ZNF322: variants seen among roughly 807,000 people sequenced by gnomAD.
ZNF322 encodes the protein zinc finger protein 322, also known as HLA complex group 12.
ZNF322 carries 1 observed loss-of-function variant against 18.3 expected under a neutral mutation model. That is an observed-to-expected ratio of 0.05 (90% CI 0.02 to 0.26). ZNF322 has a LOEUF of 0.26. Ranked by LOEUF, ZNF322 falls within the 10% of genes least tolerant of loss-of-function variation. ZNF322 has a pLI of 1.00. For missense variants in ZNF322, 36 were observed against 403.6 expected, an observed-to-expected ratio of 0.09 and a Z score of 7.80; for synonymous variants, 17 against 130.7, an observed-to-expected ratio of 0.13 and a Z score of 5.93.
rs183242394 is a variant in ZNF322, at chr6:26,654,870, A to G, written c.-246+3688T>C. On this transcript the variant is annotated intron_variant, in intron 2 of 3. Transcript: ENST00000415922. ...ATAAATATAAAAAGAGTAACTTCAC[A>G]GTATAGAAACCTGGAAGACACCACC... Among the ~76,000 whole-genome samples the G allele has an allele frequency of 1.1e-4, 16 of 152,306 alleles. No homozygotes were observed. In the East Asian group the frequency reaches 2.7e-3, roughly 26 times the overall value.
rs782141970 is a variant in ZNF322, at chr6:26,637,519, T to TTAC, written c.1034_1035insGTA (p.Gln345_Thr346insTer). 8.1e-6 allele frequency: 13 copies of TTAC among 1,608,082 alleles called. No homozygotes were observed. Among genetic ancestry groups the TTAC allele is most frequent in the Non-Finnish European group, 9.4e-6 (11 of 1,176,148 alleles). On this transcript the variant is annotated stop_gained and inframe_insertion, in exon 4 of 4. Transcript: ENST00000415922. LOFTEE classifies it low-confidence loss of function (END_TRUNC). ...TGTATTTATAGTGTAGCTCCTCTGT[T>TTAC]TGAGTTCTCATTTTCTGTTGGGCAA... is the stretch of plus-strand genomic sequence containing the variant.
intron 2 of ZNF322, among the ~76,000 whole-genome samples, chr6:26,655,047 C>T (rs1279850249): frequency 1.3e-5 from 2 of 151,966 alleles, no homozygotes; most frequent in Non-Finnish European, 2.9e-5. Flanking sequence ...CACGAGGGAA[C>T]ATCAGAAAAA....
At chr6:26,639,522 A>T (rs1386436665) in intron 3 of ZNF322, among the ~76,000 whole-genome samples, 1 of 152,230 alleles carries the variant, frequency 6.6e-6, no homozygotes, top group African/African-American at 2.4e-5. Flanking sequence ...TGTGGTTTAG[A>T]GGTATGTACA....
intron 2 of ZNF322, among the ~76,000 whole-genome samples, chr6:26,654,220 T>C (rs892397879): frequency 6.6e-5 from 10 of 152,268 alleles, no homozygotes; most frequent in African/African-American, 1.9e-4. Context: ...GAAGTACCAG[T>C]ATAAGTCAAG....
At chr6:26,643,084 T>A (rs1765494155) in intron 3 of ZNF322, among the ~76,000 whole-genome samples, 1 of 152,198 alleles carries the variant, frequency 6.6e-6, no homozygotes. Flanking sequence ...GACACCCTTT[T>A]ATATTATTCT....
intron 2 of ZNF322, among the ~76,000 whole-genome samples, chr6:26,652,242 G>T (rs1554149264): frequency 6.6e-6 from 1 of 152,200 alleles, no homozygotes; most frequent in Non-Finnish European, 1.5e-5. Context: ...ACTGTCTAGA[G>T]AATGAGAAGA....
At chr6:26,658,191 T>C (rs1358947293) in intron 2 of ZNF322, among the ~76,000 whole-genome samples, 1 of 152,014 alleles carries the variant, frequency 6.6e-6, no homozygotes, top group African/African-American at 2.4e-5. Flanking sequence ...ACCTGATGCT[T>C]AGGGCAGTTA....
intron 3 of ZNF322, among the ~76,000 whole-genome samples, chr6:26,639,637 T>C (rs72845509): frequency 0.074 from 11,280 of 152,068 alleles, 705 homozygotes; most frequent in Non-Finnish European, 0.098. Flanking sequence ...TTACCAAAAA[T>C]AGACTAAAGA....
At chr6:26,648,034 T>C (rs1289602817) in intron 2 of ZNF322, among the ~76,000 whole-genome samples, 2 of 152,076 alleles carry the variant, frequency 1.3e-5, no homozygotes, top group East Asian at 3.8e-4. Flanking sequence ...CACACCACCA[T>C]GCCTGGCTAA....
At chr6:26,647,985 T>A (rs1414459538) in intron 2 of ZNF322, among the ~76,000 whole-genome samples, 1 of 151,950 alleles carries the variant, frequency 6.6e-6, no homozygotes, top group Non-Finnish European at 1.5e-5. Context: ...CTCAAGCAAT[T>A]CTCCTGGCTC....
intron 3 of ZNF322, among the ~76,000 whole-genome samples, chr6:26,639,908 A>G (rs1200879815): frequency 6.6e-6 from 1 of 152,142 alleles, no homozygotes; most frequent in African/African-American, 2.4e-5. Flanking sequence ...GTGGTCACGT[A>G]CTGCATCTTT....
At chr6:26,646,622 T>C (rs1765563759) in intron 2 of ZNF322, among the ~76,000 whole-genome samples, 1 of 152,134 alleles carries the variant, frequency 6.6e-6, no homozygotes, top group African/African-American at 2.4e-5. Flanking sequence ...ACATACAAAC[T>C]GGACCAAGAA....
intron 2 of ZNF322, among the ~76,000 whole-genome samples, chr6:26,647,333 A>G (rs9461285): frequency 0.028 from 4,321 of 152,220 alleles, 191 homozygotes; most frequent in African/African-American, 0.092. Flanking sequence ...GGAGAAATCA[A>G]TGAACTAGAG....
At chr6:26,645,903 T>A (rs1370899511) in intron 2 of ZNF322, among the ~76,000 whole-genome samples, 1 of 151,808 alleles carries the variant, frequency 6.6e-6, no homozygotes, top group East Asian at 1.9e-4. Flanking sequence ...TGGTGGCACA[T>A]CCCTGTAATC....
chr6:26,657,684 A>G (rs1458560551), intron 2 of ZNF322, among the ~76,000 whole-genome samples: 2 of 152,156 alleles, frequency 1.3e-5, no homozygotes, highest in Admixed American at 6.5e-5. Flanking sequence ...TACCTAGAGT[A>G]CATTTGTTGA....
At chr6:26,651,515 G>A (rs1765668477) in intron 2 of ZNF322, 1 of 152,192 alleles carries the variant, frequency 6.6e-6, no homozygotes, top group African/African-American at 2.4e-5. Context: ...GAGTTGTACT[G>A]TAGGTAAGTT....
intron 2 of ZNF322, among the ~76,000 whole-genome samples, chr6:26,648,744 A>G (rs1268329350): frequency 6.6e-6 from 1 of 152,274 alleles, no homozygotes; most frequent in Non-Finnish European, 1.5e-5. Flanking sequence ...GCCATGCCAA[A>G]TAAAGCATAG....
Position 26,634,736 on chromosome 6 carries a change from A to G in ZNF322, c.*2609T>C, listed in dbSNP as rs1350535371. 1 of 50,814 alleles carries G rather than the reference A, an allele frequency of 2.0e-5. No homozygotes were observed. Among genetic ancestry groups the G allele is most frequent in the Non-Finnish European group, 4.0e-5 (1 of 24,958 alleles). 3.1% of individuals were successfully genotyped at this position (50,814 alleles called of 1,614,324 possible). A position where few individuals can be genotyped will look rare whatever the true frequency, so the allele number is the denominator to read the frequency against. ...GGGATGGTCCATCATTAATTTACTT[A>G]AAAACTAGAGACAACTACCAGTAAG... On this transcript the variant is annotated 3_prime_UTR_variant, in exon 4 of 4. Transcript: ENST00000415922.
chr6:26,654,987 T>A (rs1326465839), intron 2 of ZNF322, among the ~76,000 whole-genome samples: 3 of 152,102 alleles, frequency 2.0e-5, no homozygotes, highest in African/African-American at 7.2e-5. Context: ...GAGAAAAACA[T>A]AACATCACTT....
Sources: gnomAD v4.1 joint callset for allele counts (sites outside exome capture counted in the v4.1 genomes callset) on GRCh38, gnomAD v4.1.1 for gene constraint, MANE v1.5 for transcripts, NCBI Gene and HGNC (gene_info 2026-07-23, HGNC 2026-07-21) for gene names.